The following DNAH6 variants were observed in gnomAD, a reference collection of about 807,000 sequenced individuals.
DNAH6 encodes the protein dynein axonemal heavy chain 6, also known as axonemal beta dynein heavy chain 6.
A neutral mutation model predicts 491.4 loss-of-function variants in DNAH6; 340 were observed. The observed-to-expected ratio is 0.69, with a 90% CI of 0.63 to 0.76. DNAH6 has a LOEUF of 0.76. Ranked by LOEUF, DNAH6 falls within the 30% of genes least tolerant of loss-of-function variation. DNAH6 has a pLI of 0.00. For missense variants in DNAH6, 4,443 were observed against 4,972.2 expected, an observed-to-expected ratio of 0.89 and a Z score of 3.20; for synonymous variants, 1,603 against 1,686.1, an observed-to-expected ratio of 0.95 and a Z score of 1.21.
At chr2:84,491,837 G>A in the DNAH6 span, among the ~76,000 whole-genome samples, 1 of 152,020 alleles carries the variant, frequency 6.6e-6, no homozygotes, top group African/African-American at 2.4e-5. Context: ...TAAGACAGAG[G>A]GTCTAAAAAC....
At chr2:84,570,715 T>G (rs965015684) in intron 11 of DNAH6, among the ~76,000 whole-genome samples, 2 of 152,180 alleles carry the variant, frequency 1.3e-5, no homozygotes, top group Non-Finnish European at 2.9e-5. Flanking sequence ...CAGCAGGATA[T>G]GGGCAGGGCC....
chr2:84,510,345 C>A, the DNAH6 span, among the ~76,000 whole-genome samples: 4 of 152,154 alleles, frequency 2.6e-5, no homozygotes, highest in Non-Finnish European at 5.9e-5. Flanking sequence ...TCACTGATAC[C>A]CTTTCTTCCA....
intron 21 of DNAH6, among the ~76,000 whole-genome samples, chr2:84,610,796 A>G (rs998667603): frequency 1.3e-5 from 2 of 152,208 alleles, no homozygotes; most frequent in African/African-American, 4.8e-5. Flanking sequence ...AACAAACCAC[A>G]TTGTCTGAGT....
intron 3 of DNAH6, among the ~76,000 whole-genome samples, chr2:84,526,270 A>C (rs1676596930): frequency 6.6e-6 from 1 of 152,172 alleles, no homozygotes; most frequent in Admixed American, 6.6e-5. Flanking sequence ...AGGCATACCT[A>C]CAGTAAAGAT....
At chr2:84,518,136 C>A in intron 2 of DNAH6, 85 bp downstream of exon 2, 1 of 960,378 alleles carries the variant, frequency 1.0e-6, no homozygotes, top group Non-Finnish European at 1.5e-6. Context: ...CATGTCCAGA[C>A]TCTGAACTGA....
intron 2 of DNAH6, among the ~76,000 whole-genome samples, chr2:84,522,449 T>G (rs1676242592): frequency 6.6e-6 from 1 of 152,094 alleles, no homozygotes; most frequent in African/African-American, 2.4e-5. Context: ...TCTCTTCCTA[T>G]TTTGATGCCC....
At chr2:84,762,677 G>A (rs913955191) in intron 63 of DNAH6, 78 bp from the exon 64 acceptor site, 35 of 1,015,326 alleles carry the variant, frequency 3.4e-5, no homozygotes, top group Non-Finnish European at 4.4e-5. Context: ...CAACCTCTGA[G>A]GAGCTGAAGG....
chr2:84,712,534 A>C (rs936029606), intron 56 of DNAH6, among the ~76,000 whole-genome samples: 1 of 152,266 alleles, frequency 6.6e-6, no homozygotes, highest in African/African-American at 2.4e-5. Context: ...GTAGAGAGCC[A>C]GGGAGTAAAT....
At chr2:84,660,463 A>T (rs1691393663) in intron 37 of DNAH6, among the ~76,000 whole-genome samples, 1 of 152,160 alleles carries the variant, frequency 6.6e-6, no homozygotes, top group South Asian at 2.1e-4. Flanking sequence ...ATACCAACTA[A>T]CCTATGCAGA....
intron 21 of DNAH6, among the ~76,000 whole-genome samples, chr2:84,610,066 A>C (rs1686178811): frequency 6.6e-6 from 1 of 152,148 alleles, no homozygotes; most frequent in African/African-American, 2.4e-5. Context: ...GGTTCTCATC[A>C]GAAGTTTAGC....
At chr2:84,758,362 A>G (rs1674245926) in intron 63 of DNAH6, among the ~76,000 whole-genome samples, 1 of 152,212 alleles carries the variant, frequency 6.6e-6, no homozygotes, top group Non-Finnish European at 1.5e-5. Flanking sequence ...TTTGAAATAA[A>G]AACTATAAAA....
chr2:84,706,997 T>A lies in DNAH6; in HGVS notation c.8829T>A (p.Gly2943=). 1 of 1,517,766 alleles carries A rather than the reference T, an allele frequency of 6.6e-7. No homozygotes were observed. 94.0% of individuals were successfully genotyped at this position (1,517,766 alleles called of 1,614,324 possible). A position where few individuals can be genotyped will look rare whatever the true frequency, so the allele number is the denominator to read the frequency against. Reference sequence around the variant, plus strand: ...CCTTACAAGATGAATATGACAAAGGTGTAAATGAAAAAGAAAGCCTGGGTA... The same window carrying A: ...CCTTACAAGATGAATATGACAAAGGAGTAAATGAAAAAGAAAGCCTGGGTA... ...IQALQDEYDK[G]VNEKESLAKT... Residue 2943 remains glycine, a synonymous_variant, in exon 53 of 77, where the codon GGT becomes GGA. Coordinates refer to ENST00000389394, the MANE Select transcript of DNAH6 (RefSeq NM_001370.2).
At chr2:84,570,533 T>A (rs145547902) in intron 11 of DNAH6, among the ~76,000 whole-genome samples, 266 of 152,298 alleles carry the variant, frequency 1.7e-3, no homozygotes, top group African/African-American at 6.3e-3. Flanking sequence ...GTCAGCACTC[T>A]GTGAAAATGC....
chr2:84,718,061 G>A (rs1697720956), intron 58 of DNAH6, 143 bp from the exon 59 acceptor site: 2 of 591,080 alleles, frequency 3.4e-6, no homozygotes, highest in Admixed American at 7.7e-5. Flanking sequence ...GAGACATGGT[G>A]TGCATTCAGA....
At chr2:84,492,929 G>T in the DNAH6 span, among the ~76,000 whole-genome samples, 1 of 152,042 alleles carries the variant, frequency 6.6e-6, no homozygotes, top group Non-Finnish European at 1.5e-5. Flanking sequence ...AAATTTTCTA[G>T]AAGATTCAGT....
chr2:84,753,605 A>G (rs1475064290), intron 63 of DNAH6, among the ~76,000 whole-genome samples: 1 of 151,672 alleles, frequency 6.6e-6, no homozygotes, highest in East Asian at 2.0e-4. Context: ...TAAAAATACA[A>G]AATTAGCCAG....
Position 84,594,119 on chromosome 2 carries a change from T to C in DNAH6, c.2724+34T>C, listed in dbSNP as rs1048337708. ...AAAAAGCCTTCAGTTCTCAAATTAT[T>C]TTTGTATGAATTAATCTTAAAATTC... On this transcript the variant is annotated intron_variant, in intron 17 of 76. Coordinates refer to ENST00000389394, the MANE Select transcript of DNAH6 (RefSeq NM_001370.2). 6.1e-6 allele frequency: 7 copies of C among 1,140,464 alleles called. No individual in the cohort carries two copies. The African/African-American group carries it at 9.4e-5, about 15-fold the overall frequency. 70.6% of individuals were successfully genotyped at this position (1,140,464 alleles called of 1,614,324 possible).
chr2:84,625,278 G>C (rs532736911), intron 29 of DNAH6, among the ~76,000 whole-genome samples: 8 of 152,120 alleles, frequency 5.3e-5, no homozygotes, highest in Non-Finnish European at 8.8e-5. Context: ...GCCAGGGGAT[G>C]ATTTGTCAAA....
chr2:84,460,455 A>C, the DNAH6 span, among the ~76,000 whole-genome samples: 1 of 152,234 alleles, frequency 6.6e-6, no homozygotes, highest in Non-Finnish European at 1.5e-5. Context: ...AAATAGCAAA[A>C]TTATTCCTGA....
Sources: gnomAD v4.1 joint callset for allele counts (sites outside exome capture counted in the v4.1 genomes callset) on GRCh38, gnomAD v4.1.1 for gene constraint, MANE v1.5 for transcripts, NCBI Gene and HGNC (gene_info 2026-07-23, HGNC 2026-07-21) for gene names.